SLC38A8: variants seen among roughly 807,000 people sequenced by gnomAD.
SLC38A8 encodes solute carrier family 38 member 8.
Under a neutral mutation model 46.0 loss-of-function variants are expected in SLC38A8, and 65 were observed. The observed-to-expected ratio is 1.41, with a 90% CI of 1.16 to 1.74. The LOEUF (loss-of-function observed/expected upper bound fraction) is 1.74. SLC38A8 is among the 40% of genes most tolerant of loss of function. The pLI, the probability that SLC38A8 is intolerant of heterozygous loss-of-function variation, is 0.00. For missense variants in SLC38A8, 998 were observed against 567.9 expected (o/e 1.76, Z -7.70); for synonymous variants, 447 against 243.7 (o/e 1.83, Z -7.77).
Position 84,022,828 on chromosome 16 carries a change from G to A in SLC38A8, c.752C>T (p.Ala251Val). ...CAGCAAGGACAGCACAGACACCAGG[G>A]CCCAGTGGGAGAGGCTCCGTTTGCG... ...SMRKRSLSHW[A>V]LVSVLSLLAC... is the part of the protein sequence containing the mutation. Residue 251 changes from alanine to valine, a missense_variant, in exon 7 of 11, where the codon GCC becomes GTC. Ala to Val is a moderately conservative substitution (Grantham distance 64, BLOSUM62 0). Coordinates refer to ENST00000299709, the MANE Select transcript of SLC38A8 (RefSeq NM_001080442.3). The A allele has an allele frequency of 1.5e-5, 25 of 1,613,500 alleles. No individual in the cohort carries two copies. Among genetic ancestry groups the A allele is most frequent in the South Asian group, 2.2e-5 (2 of 91,046 alleles).
chr16:84,037,638 G>A (rs1047535985), intron 2 of SLC38A8, among the ~76,000 whole-genome samples: 44 of 152,088 alleles, frequency 2.9e-4, no homozygotes, highest in African/African-American at 9.9e-4. Flanking sequence ...GCAGATGCCT[G>A]TAGTCCCAGC....
At chr16:84,015,594 G>T (rs758310827) in intron 9 of SLC38A8, among the ~76,000 whole-genome samples, 1 of 151,836 alleles carries the variant, frequency 6.6e-6, no homozygotes, top group African/African-American at 2.4e-5. Flanking sequence ...TCAGGGCCTC[G>T]GTCTTCGCAT....
intron 6 of SLC38A8, among the ~76,000 whole-genome samples, chr16:84,024,434 C>T (rs996239193): frequency 1.1e-4 from 17 of 152,118 alleles, no homozygotes; most frequent in Middle Eastern, 6.3e-3. Flanking sequence ...CTGCTTTGGC[C>T]TCCCTAAGTG....
Position 84,019,796 on chromosome 16 carries a change from G to C in SLC38A8, c.806-2509C>G, listed in dbSNP as rs779287209. ...AAAGAAACATTCTCATCCCAGAAGA[G>C]AGACTAAGGCCAAAGGAAAGGAGTA... On this transcript the variant is annotated intron_variant, in intron 7 of 10. Transcript: ENST00000299709. 2.0e-5 allele frequency among the ~76,000 whole-genome samples: 3 copies of C among 152,230 alleles called. No individual in the cohort carries two copies. The South Asian group carries it at 6.2e-4, about 31-fold the overall frequency.
intron 8 of SLC38A8, 138 bp downstream of exon 8, chr16:84,017,002 C>G (rs1321110132): frequency 7.9e-7 from 1 of 1,270,132 alleles, no homozygotes; most frequent in African/African-American, 1.5e-5. Context: ...CCTAAATCCT[C>G]TGTGCCTGTT....
At chr16:84,028,871 C>T (rs1656166411) in intron 6 of SLC38A8, among the ~76,000 whole-genome samples, 1 of 152,214 alleles carries the variant, frequency 6.6e-6, no homozygotes, top group African/African-American at 2.4e-5. Context: ...CCTTCAAGAT[C>T]CCTTTCAAAC....
At chr16:84,022,606 A>G (rs532391952) in intron 7 of SLC38A8, among the ~76,000 whole-genome samples, 169 bp downstream of exon 7, 1 of 152,314 alleles carries the variant, frequency 6.6e-6, no homozygotes, top group East Asian at 1.9e-4. Flanking sequence ...CAGCTTCCTC[A>G]TCTATGAAAT....
chr16:84,017,376 C>T (rs1010525501), intron 7 of SLC38A8, 89 bp from the exon 8 acceptor site: 1 of 1,485,040 alleles, frequency 6.7e-7, no homozygotes, highest in South Asian at 1.2e-5. Flanking sequence ...CCTGGCTTTA[C>T]CACCTAAGAT....
At chr16:84,015,459 C>A (rs1295887731) in intron 9 of SLC38A8, among the ~76,000 whole-genome samples, 1 of 152,064 alleles carries the variant, frequency 6.6e-6, no homozygotes, top group Admixed American at 6.5e-5. Flanking sequence ...GTGACTTTCA[C>A]ATATACGATT....
chr16:84,024,191 C>A (rs2085132655), intron 6 of SLC38A8, among the ~76,000 whole-genome samples: 1 of 152,178 alleles, frequency 6.6e-6, no homozygotes. Context: ...AAACCCCACT[C>A]TGTGGTGCTA....
rs185061379 is a variant in SLC38A8 at position 84,033,071 on chromosome 16, C to T, written c.530+257G>A. 4.7e-4 allele frequency among the ~76,000 whole-genome samples: 71 copies of T among 152,134 alleles called. 1 individual carries two copies. The highest frequency in any genetic ancestry group is 1.7e-3 in the African/African-American group (69 of 41,496). On this transcript the variant is annotated intron_variant, in intron 4 of 10. Transcript: ENST00000299709. Reference sequence around the variant, plus strand: ...GTGTTGTGGGGAGGCGTCTCTCTCTCTCTGCAGCCATGTGCAAAAAATCCA... The same window carrying T: ...GTGTTGTGGGGAGGCGTCTCTCTCTTTCTGCAGCCATGTGCAAAAAATCCA...
At chr16:84,019,533 A>G (rs1422893897) in intron 7 of SLC38A8, among the ~76,000 whole-genome samples, 3 of 152,234 alleles carry the variant, frequency 2.0e-5, no homozygotes, top group Non-Finnish European at 4.4e-5. Flanking sequence ...CATACTGGCA[A>G]TTTAATTTCA....
At chr16:84,014,651 C>G (rs539903862) in intron 9 of SLC38A8, among the ~76,000 whole-genome samples, 2 of 152,140 alleles carry the variant, frequency 1.3e-5, no homozygotes, top group African/African-American at 4.8e-5. Flanking sequence ...GGTGGCTGTT[C>G]TCCTCCCCTC....
At chr16:84,014,520 G>T (rs1032579812) in intron 9 of SLC38A8, among the ~76,000 whole-genome samples, 1 of 151,608 alleles carries the variant, frequency 6.6e-6, no homozygotes, top group Admixed American at 6.6e-5. Flanking sequence ...CTAAGCCCAA[G>T]GGAGAAGCCA....
chr16:84,035,471 A>T (rs1816176459), intron 3 of SLC38A8, among the ~76,000 whole-genome samples: 1 of 152,238 alleles, frequency 6.6e-6, no homozygotes, highest in Admixed American at 6.5e-5. Context: ...AAGTCTAAAC[A>T]TTCCAATCGG....
At position 84,035,172 on chromosome 16, in the gene SLC38A8, T is replaced by A. The variant is rs112011294; in HGVS notation, c.388+1530A>T. Among the ~76,000 whole-genome samples the A allele has an allele frequency of 6.3e-4, 96 of 152,342 alleles. 1 individual carries two copies. The highest frequency in any genetic ancestry group is 3.4e-3 in the Middle Eastern group (1 of 294). On this transcript the variant is annotated intron_variant, in intron 3 of 10. Transcript: ENST00000299709. ...CTCCCAGTGAGGCTCAGAATCCTTC[T>A]TAACACAGCAACGCTACCAGTTCAG...
At chr16:84,036,584 G>T in intron 3 of SLC38A8, 118 bp downstream of exon 3, 2 of 1,155,916 alleles carry the variant, frequency 1.7e-6, no homozygotes, top group Non-Finnish European at 1.2e-6. Flanking sequence ...TGTGGTTTCA[G>T]CCTCTGCTGT....
At chr16:84,024,424 C>G (rs72799223) in intron 6 of SLC38A8, among the ~76,000 whole-genome samples, 1 of 152,082 alleles carries the variant, frequency 6.6e-6, no homozygotes, top group Admixed American at 6.5e-5. Flanking sequence ...AGCGACCCTC[C>G]TGCTTTGGCC....
intron 8 of SLC38A8, 140 bp downstream of exon 8, chr16:84,017,000 C>A: frequency 7.9e-7 from 1 of 1,263,222 alleles, no homozygotes; most frequent in Non-Finnish European, 1.1e-6. Flanking sequence ...TACCTAAATC[C>A]TCTGTGCCTG....
Sources: gnomAD v4.1 joint callset for allele counts (sites outside exome capture counted in the v4.1 genomes callset) on GRCh38, gnomAD v4.1.1 for gene constraint, MANE v1.5 for transcripts, NCBI Gene and HGNC (gene_info 2026-07-23, HGNC 2026-07-21) for gene names.